KATNIP: variants seen among roughly 807,000 people sequenced by gnomAD.
KATNIP encodes katanin interacting protein.
A neutral mutation model predicts 174.0 loss-of-function variants in KATNIP; 126 were observed. The ratio of observed to expected loss-of-function variants is 0.72; its 90% CI spans 0.63 to 0.84. The LOEUF is 0.84. Ranked by LOEUF, KATNIP falls within the 40% of genes least tolerant of loss-of-function variation. The probability of loss-of-function intolerance (pLI) is 0.00; values close to 1 mark genes in which losing one functional copy is unlikely to be tolerated. For synonymous variants in KATNIP, 810 were observed against 835.7 expected (o/e 0.97, Z 0.53); for missense variants, 1,958 against 2,109.7 (o/e 0.93, Z 1.41).
chr16:27,768,835 C>T (rs2082205531), intron 20 of KATNIP, among the ~76,000 whole-genome samples: 1 of 152,236 alleles, frequency 6.6e-6, no homozygotes, highest in South Asian at 2.1e-4. Context: ...GACCCTTCCT[C>T]CCTTCCTTTC....
chr16:27,677,081 T>C (rs1289140412), intron 6 of KATNIP, among the ~76,000 whole-genome samples: 3 of 152,168 alleles, frequency 2.0e-5, no homozygotes, highest in African/African-American at 7.2e-5. Flanking sequence ...ATCTTAATGC[T>C]TAGCCATAAG....
chr16:27,722,687 T>G (rs188187606), intron 14 of KATNIP, among the ~76,000 whole-genome samples: 1 of 152,278 alleles, frequency 6.6e-6, no homozygotes, highest in East Asian at 1.9e-4. Context: ...CTAGAGACAT[T>G]AGGGAGTGGT....
At chr16:27,553,148 G>C (rs991082381) in intron 1 of KATNIP, among the ~76,000 whole-genome samples, 1 of 152,178 alleles carries the variant, frequency 6.6e-6, no homozygotes, top group Non-Finnish European at 1.5e-5. Context: ...GCCATTGGTC[G>C]TTTAGAAAAT....
intron 17 of KATNIP, among the ~76,000 whole-genome samples, chr16:27,752,644 G>A (rs910538667): frequency 3.3e-5 from 5 of 152,104 alleles, no homozygotes; most frequent in Admixed American, 6.5e-5. Context: ...TCAAACTCCC[G>A]GGGCTCAAGC....
intron 2 of KATNIP, among the ~76,000 whole-genome samples, chr16:27,583,625 C>T (rs531095980): frequency 5.9e-5 from 9 of 152,286 alleles, no homozygotes; most frequent in African/African-American, 1.9e-4. Context: ...CTTGCTTTCC[C>T]CTCTCTGAGC....
At chr16:27,609,553 G>A (rs1310721254) in intron 2 of KATNIP, among the ~76,000 whole-genome samples, 1 of 151,750 alleles carries the variant, frequency 6.6e-6, no homozygotes, top group Non-Finnish European at 1.5e-5. Context: ...ACCATGCCCG[G>A]CTAATTTTTT....
chr16:27,595,281 G>A (rs2075301735), intron 2 of KATNIP, among the ~76,000 whole-genome samples: 1 of 152,162 alleles, frequency 6.6e-6, no homozygotes, highest in African/African-American at 2.4e-5. Context: ...TAACTACTCA[G>A]GAAGCTAAGG....
At chr16:27,588,958 C>T (rs1366276918) in intron 2 of KATNIP, among the ~76,000 whole-genome samples, 1 of 146,524 alleles carries the variant, frequency 6.8e-6, no homozygotes. Context: ...GTGATCTCAC[C>T]TCACTGCAAC....
At chr16:27,768,585 C>T (rs1446647472) in intron 20 of KATNIP, among the ~76,000 whole-genome samples, 1 of 152,180 alleles carries the variant, frequency 6.6e-6, no homozygotes, top group Non-Finnish European at 1.5e-5. Flanking sequence ...AGCAAAACCC[C>T]AGGAGTCATG....
chr16:27,715,209 A>T (rs1189969039), intron 13 of KATNIP, among the ~76,000 whole-genome samples: 1 of 152,262 alleles, frequency 6.6e-6, no homozygotes, highest in East Asian at 1.9e-4. Flanking sequence ...TCATTCAAAA[A>T]ATGGCCTTGG....
At chr16:27,675,530 C>T (rs183216663) in intron 6 of KATNIP, among the ~76,000 whole-genome samples, 57 of 152,302 alleles carry the variant, frequency 3.7e-4, no homozygotes, top group African/African-American at 1.3e-3. Flanking sequence ...TTTTCAAGGC[C>T]TGGGAATAAT....
At chr16:27,562,300 G>C (rs2089914921) in intron 1 of KATNIP, among the ~76,000 whole-genome samples, 1 of 152,082 alleles carries the variant, frequency 6.6e-6, no homozygotes, top group African/African-American at 2.4e-5. Flanking sequence ...GACAGAGTGA[G>C]ACCCTATCTC....
In KATNIP at chr16:27,585,636, G is replaced by C. The variant is rs571374202; in HGVS notation, c.63+11680G>C. ...ATTTGCAACAACATGGGTGGAACTG[G>C]AGGTTATTATGTTTAGTAAAATAAG... On this transcript the variant is annotated intron_variant, in intron 2 of 27. Coordinates refer to ENST00000261588, the MANE Select transcript of KATNIP (RefSeq NM_015202.5). 1.1e-4 allele frequency among the ~76,000 whole-genome samples: 16 copies of C among 152,300 alleles called. No individual in the cohort carries two copies. In the South Asian group the frequency reaches 3.3e-3, roughly 32 times the overall value.
intron 8 of KATNIP, among the ~76,000 whole-genome samples, chr16:27,687,967 T>C (rs549359823): frequency 5.3e-5 from 8 of 152,296 alleles, no homozygotes; most frequent in African/African-American, 1.7e-4. Context: ...AAGGAGAATG[T>C]CTTGCTCACA....
chr16:27,737,714 C>A (rs576109858), intron 14 of KATNIP, among the ~76,000 whole-genome samples: 2 of 152,056 alleles, frequency 1.3e-5, no homozygotes, highest in East Asian at 3.9e-4. Flanking sequence ...GGAAAGTCAT[C>A]GCAAAGGAGG....
At chr16:27,650,223 T>C (rs976956157) in intron 6 of KATNIP, among the ~76,000 whole-genome samples, 5 of 144,086 alleles carry the variant, frequency 3.5e-5, no homozygotes, top group Non-Finnish European at 7.5e-5. Context: ...GCATTCCAGA[T>C]AGAGGAAGCA....
chr16:27,749,864 C>T lies in KATNIP; in HGVS notation c.2904C>T (p.Ile968=), dbSNP rs2081431918. 3 of 1,614,046 alleles carry T rather than the reference C, an allele frequency of 1.9e-6. No homozygotes were observed. The highest frequency in any genetic ancestry group is 3.3e-5 in the Admixed American group (2 of 60,002). Residue 968 remains isoleucine (I), a synonymous_variant, in exon 16 of 28, where the codon ATC becomes ATT. Transcript: ENST00000261588. Reference sequence around the variant, plus strand: ...CAGACGCTGGGGGTGACTTTAAAATCCCCGTCTTGCCTTATGGACAGCGCT... The same window carrying T: ...CAGACGCTGGGGGTGACTTTAAAATTCCCGTCTTGCCTTATGGACAGCGCT... ...GETDAGGDFK[I]PVLPYGQRLV...
At chr16:27,737,655 G>A (rs751737343) in intron 14 of KATNIP, among the ~76,000 whole-genome samples, 3 of 152,212 alleles carry the variant, frequency 2.0e-5, no homozygotes, top group African/African-American at 7.2e-5. Context: ...CTCAGCCAGC[G>A]AGGCAGGAGG....
intron 6 of KATNIP, chr16:27,654,589 T>C: frequency 7.4e-7 from 1 of 1,351,920 alleles, no homozygotes; most frequent in Non-Finnish European, 9.8e-7. Flanking sequence ...CATGCCCAGT[T>C]TTCTGTGCTT....
Sources: allele counts gnomAD v4.1 joint callset (sites outside exome capture counted in the v4.1 genomes callset), GRCh38; gene constraint gnomAD v4.1.1; transcripts MANE v1.5; gene names NCBI Gene and HGNC (gene_info 2026-07-23, HGNC 2026-07-21).